Variants in CCDC102B observed in about 807,000 individuals in gnomAD.
CCDC102B encodes the protein coiled-coil domain-containing protein 102B.
Under a neutral mutation model 57.4 loss-of-function variants are expected in CCDC102B, and 75 were observed. The observed-to-expected ratio is 1.31, with a 90% CI of 1.08 to 1.58. The LOEUF is 1.58. Among genes scored for constraint, CCDC102B ranks in the 40% most tolerant of loss-of-function variants. The probability of loss-of-function intolerance (pLI) is 0.00; values close to 1 mark genes in which losing one functional copy is unlikely to be tolerated. For synonymous variants in CCDC102B, 206 were observed against 201.9 expected (o/e 1.02, Z -0.17); for missense variants, 636 against 582.6 (o/e 1.09, Z -0.94).
At chr18:69,021,638 A>G (rs947811172) in intron 7 of CCDC102B, among the ~76,000 whole-genome samples, 3 of 152,220 alleles carry the variant, frequency 2.0e-5, no homozygotes, top group African/African-American at 7.2e-5. Context: ...AGGATACAGC[A>G]GAAACAATTT....
At chr18:68,930,482 G>C (rs981256638) in intron 6 of CCDC102B, among the ~76,000 whole-genome samples, 1 of 151,882 alleles carries the variant, frequency 6.6e-6, no homozygotes, top group African/African-American at 2.4e-5. Context: ...TGTGTGGATG[G>C]ACACAATCAG....
intron 4 of CCDC102B, among the ~76,000 whole-genome samples, chr18:68,854,759 G>A (rs2038307145): frequency 6.6e-6 from 1 of 152,200 alleles, no homozygotes; most frequent in Non-Finnish European, 1.5e-5. Context: ...ATCAGCAGAT[G>A]CTTGAAGACA....
At chr18:68,991,720 G>C (rs887413882) in intron 6 of CCDC102B, among the ~76,000 whole-genome samples, 3 of 152,144 alleles carry the variant, frequency 2.0e-5, no homozygotes, top group Non-Finnish European at 2.9e-5. Context: ...AATCATATTT[G>C]CAATTCTTTA....
At chr18:68,730,309 T>C (rs949168126) in intron 2 of CCDC102B, among the ~76,000 whole-genome samples, 8 of 152,304 alleles carry the variant, frequency 5.3e-5, no homozygotes, top group Admixed American at 2.6e-4. Flanking sequence ...TTTCTTTCTC[T>C]TAAAAAATTC....
intron 2 of CCDC102B, among the ~76,000 whole-genome samples, chr18:68,775,535 T>C (rs1396557744): frequency 6.6e-6 from 1 of 152,144 alleles, no homozygotes; most frequent in Non-Finnish European, 1.5e-5. Flanking sequence ...AGAGGTTTAA[T>C]CTCACTTAGG....
At chr18:68,760,658 G>T (rs993588166) in intron 2 of CCDC102B, among the ~76,000 whole-genome samples, 3 of 151,998 alleles carry the variant, frequency 2.0e-5, no homozygotes, top group Non-Finnish European at 2.9e-5. Context: ...AAGCAAATGC[G>T]TGGTGCTATG....
chr18:68,980,274 A>G (rs2046684108), intron 6 of CCDC102B, among the ~76,000 whole-genome samples: 1 of 149,596 alleles, frequency 6.7e-6, no homozygotes, highest in South Asian at 2.1e-4. Flanking sequence ...TTTTTTAAAC[A>G]TACCTGAAGT....
chr18:69,013,867 AATATATAAATTAGG>A (rs2051587861), intron 7 of CCDC102B, among the ~76,000 whole-genome samples: 1 of 152,218 alleles, frequency 6.6e-6, no homozygotes, highest in Non-Finnish European at 1.5e-5. Context: ...AAAAAGGTAA[AATATATAAATTAGG>A]ATGTTTTTGA....
chr18:68,808,962 A>AT (rs2036144015), intron 1 of CCDC102B, among the ~76,000 whole-genome samples: 1 of 152,220 alleles, frequency 6.6e-6, no homozygotes, highest in Non-Finnish European at 1.5e-5. Context: ...TCTGAAATTT[A>AT]TGCTATTTCT....
At chr18:68,906,437 A>C (rs1308360777) in intron 6 of CCDC102B, among the ~76,000 whole-genome samples, 1 of 152,134 alleles carries the variant, frequency 6.6e-6, no homozygotes, top group East Asian at 1.9e-4. Flanking sequence ...TTACCTTTCC[A>C]CCAGCAATAC....
At chr18:68,811,298 G>A (rs908581584) in intron 1 of CCDC102B, among the ~76,000 whole-genome samples, 2 of 152,106 alleles carry the variant, frequency 1.3e-5, no homozygotes, top group African/African-American at 2.4e-5. Context: ...TGGAAACTTT[G>A]AAAGAAACAG....
intron 2 of CCDC102B, among the ~76,000 whole-genome samples, chr18:68,791,849 C>T (rs926683241): frequency 2.0e-5 from 3 of 152,102 alleles, no homozygotes; most frequent in South Asian, 2.1e-4. Context: ...AGAACTAAAT[C>T]GTAGCCTCAT....
intron 2 of CCDC102B, among the ~76,000 whole-genome samples, chr18:68,730,039 A>G (rs2032786123): frequency 6.6e-6 from 1 of 152,222 alleles, no homozygotes; most frequent in Non-Finnish European, 1.5e-5. Context: ...TCATTGACGT[A>G]CCATTGACTT....
Position 68,996,092 on chromosome 18 carries a change from C to A in CCDC102B, c.1264-14842C>A, listed in dbSNP as rs764923913. The stretch of plus-strand genomic sequence containing the variant: ...TGAAAGATGCAAAGTATTGTTCCTG[C>A]GTGTGTCTGTGAGGGTGTTGCCAAA... On this transcript the variant is annotated intron_variant, in intron 6 of 7. Coordinates refer to ENST00000360242, the MANE Select transcript of CCDC102B (RefSeq NM_024781.3). Among the ~76,000 whole-genome samples, 4 of 152,184 alleles carry A rather than the reference C, an allele frequency of 2.6e-5. No individual in the cohort carries two copies. The South Asian group carries it at 8.3e-4, about 32-fold the overall frequency.
At chr18:68,988,267 A>G (rs539220334) in intron 6 of CCDC102B, among the ~76,000 whole-genome samples, 1 of 152,312 alleles carries the variant, frequency 6.6e-6, no homozygotes, top group Middle Eastern at 3.4e-3. Flanking sequence ...GCTGGAGGCA[A>G]TCACCCTAAG....
At chr18:68,811,040 A>T (rs1401670397) in intron 1 of CCDC102B, among the ~76,000 whole-genome samples, 1 of 151,940 alleles carries the variant, frequency 6.6e-6, no homozygotes, top group Non-Finnish European at 1.5e-5. Context: ...AACCTTTTTT[A>T]TGGCTGCATA....
intron 6 of CCDC102B, among the ~76,000 whole-genome samples, chr18:68,947,202 G>A (rs530952591): frequency 1.3e-5 from 2 of 151,756 alleles, no homozygotes; most frequent in East Asian, 3.9e-4. Context: ...AGATAGAGGG[G>A]CATCAGTGGC....
chr18:68,983,419 G>C (rs983449405), intron 6 of CCDC102B, among the ~76,000 whole-genome samples: 10 of 151,896 alleles, frequency 6.6e-5, no homozygotes, highest in African/African-American at 2.4e-4. Context: ...TGCAGGGAGG[G>C]TTTCCCTACC....
At chr18:68,917,719 G>A (rs541982004) in intron 6 of CCDC102B, among the ~76,000 whole-genome samples, 65 of 151,650 alleles carry the variant, frequency 4.3e-4, no homozygotes, top group African/African-American at 1.4e-3. Context: ...TAATTATTTC[G>A]GATGCTTTCT....
Sources: gnomAD v4.1 joint callset for allele counts (sites outside exome capture counted in the v4.1 genomes callset) on GRCh38, gnomAD v4.1.1 for gene constraint, MANE v1.5 for transcripts, NCBI Gene and HGNC (gene_info 2026-07-23, HGNC 2026-07-21) for gene names.